Variants in ZFP1 observed in about 807,000 individuals in gnomAD.
The protein encoded by ZFP1 is ZFP1 zinc finger protein, also known as zinc finger protein 1 homolog.
Under a neutral mutation model 38.5 loss-of-function variants are expected in ZFP1, and 32 were observed. The ratio of observed to expected loss-of-function variants is 0.83; its 90% confidence interval spans 0.63 to 1.12. The LOEUF (loss-of-function observed/expected upper bound fraction) is 1.12. Ranked by LOEUF, ZFP1 falls within the 50% of genes most tolerant of loss-of-function variation. The pLI, the probability that ZFP1 is intolerant of heterozygous loss-of-function variation, is 0.00. For synonymous variants in ZFP1, 245 were observed against 168.8 expected (o/e 1.45, Z -3.50); for missense variants, 616 against 480.8 (o/e 1.28, Z -2.63).
intron 2 of ZFP1, among the ~76,000 whole-genome samples, chr16:75,160,965 C>T (rs1219297081): frequency 1.3e-5 from 2 of 152,144 alleles, no homozygotes; most frequent in Admixed American, 6.5e-5. Flanking sequence ...GATTAAGTTT[C>T]AACATGAAAT....
chr16:75,159,441 G>C (rs1296686875), intron 2 of ZFP1, among the ~76,000 whole-genome samples: 1 of 120,892 alleles, frequency 8.3e-6, no homozygotes, highest in African/African-American at 3.1e-5. Flanking sequence ...CAGAGTCTTG[G>C]TTACCCCCAG....
the ZFP1 span, among the ~76,000 whole-genome samples, chr16:75,140,193 G>C: frequency 1.3e-5 from 2 of 151,952 alleles, no homozygotes; most frequent in Admixed American, 6.6e-5. Context: ...TCTTGAACCT[G>C]AGAGGTAGAC....
chr16:75,170,093 A>G lies in ZFP1; in HGVS notation c.983A>G (p.Glu328Gly), dbSNP rs2038342435. ...GGGGAGAAACGCTATGAGTGCAGTG[A>G]ATGTGGAAAATCCTTTATCCAGAAC... Reference protein sequence around the residue: ...HTGEKRYECSECGKSFIQNSQ... With the variant: ...HTGEKRYECSGCGKSFIQNSQ... Residue 328 changes from glutamate (E) to glycine (G), a missense_variant, in exon 4 of 4, where the codon GAA becomes GGA. Transcript: ENST00000570010. 1 of 1,614,120 alleles carries G rather than the reference A, an allele frequency of 6.2e-7. No individual in the cohort carries two copies. Among genetic ancestry groups the G allele is most frequent in the African/African-American group, 1.3e-5 (1 of 75,058 alleles).
At chr16:75,158,153 G>C (rs1073429) in intron 2 of ZFP1, among the ~76,000 whole-genome samples, 8,587 of 151,596 alleles carry the variant, frequency 0.057, 444 homozygotes, top group African/African-American at 0.13. Context: ...ACCTATTTAT[G>C]TTCATATGTT....
At chr16:75,131,337 G>C in the ZFP1 span, among the ~76,000 whole-genome samples, 2 of 152,250 alleles carry the variant, frequency 1.3e-5, no homozygotes, top group Admixed American at 1.3e-4. Context: ...TTTCCAGGTA[G>C]GTGAAAGAAA....
At position 75,170,485 on chromosome 16, in the gene ZFP1, C is replaced by A; in HGVS notation, c.*151C>A. 1 of 1,169,808 alleles carries A rather than the reference C, an allele frequency of 8.5e-7. No individual in the cohort carries two copies. Among genetic ancestry groups the A allele is most frequent in the Non-Finnish European group, 1.1e-6 (1 of 885,552 alleles). The allele number at this position is 1,169,808 out of a possible 1,614,324, so 72.5% of individuals were successfully genotyped here. On this transcript the variant is annotated 3_prime_UTR_variant, in exon 4 of 4. Transcript: ENST00000570010. ...TATTAAAAATAGGATCCCATGAGAA[C>A]ATTATACTGGAAGTTACATGTGATA...
At chr16:75,142,644 A>T in the ZFP1 span, among the ~76,000 whole-genome samples, 1 of 152,178 alleles carries the variant, frequency 6.6e-6, no homozygotes, top group African/African-American at 2.4e-5. Flanking sequence ...AAGACTACCC[A>T]GTCTATGTGG....
intron 2 of ZFP1, among the ~76,000 whole-genome samples, chr16:75,153,771 A>G (rs1183667905): frequency 2.6e-5 from 4 of 152,332 alleles, no homozygotes; most frequent in South Asian, 2.1e-4. Flanking sequence ...CCAATATATA[A>G]TGACATGTAT....
chr16:75,143,933 C>T (rs953469500), upstream of ZFP1, among the ~76,000 whole-genome samples: 1 of 152,124 alleles, frequency 6.6e-6, no homozygotes, highest in East Asian at 1.9e-4. Flanking sequence ...GGATTACAGG[C>T]ATGAGCCACT....
chr16:75,163,882 T>G (rs1447675986), intron 2 of ZFP1, among the ~76,000 whole-genome samples: 1 of 152,160 alleles, frequency 6.6e-6, no homozygotes, highest in African/African-American at 2.4e-5. Flanking sequence ...AATGCTGGGA[T>G]TACACACATG....
intron 2 of ZFP1, among the ~76,000 whole-genome samples, chr16:75,159,909 G>T (rs968108411): frequency 4.6e-5 from 7 of 152,182 alleles, no homozygotes; most frequent in African/African-American, 1.7e-4. Flanking sequence ...CCTAGGGTGT[G>T]CTCCATCCTT....
At chr16:75,132,652 C>CATTTCTT in the ZFP1 span, 2 of 104,294 alleles carry the variant, frequency 1.9e-5, no homozygotes, top group Non-Finnish European at 3.6e-5. Context: ...CATTTCATTT[C>CATTTCTT]TTTTTTTTTT....
At chr16:75,148,431 C>T (rs927223963), upstream of ZFP1, 1 of 152,270 alleles carries the variant, frequency 6.6e-6, no homozygotes, top group Non-Finnish European at 1.5e-5. Context: ...AAATGTAGTC[C>T]CGAACGTGGA....
chr16:75,167,891 C>G (rs1206381233), intron 3 of ZFP1, among the ~76,000 whole-genome samples: 2 of 152,098 alleles, frequency 1.3e-5, no homozygotes, highest in East Asian at 1.9e-4. Flanking sequence ...GAGGTCAGTT[C>G]AATACCAGCA....
At chr16:75,155,298 A>AT (rs2037416012) in intron 2 of ZFP1, among the ~76,000 whole-genome samples, 1 of 151,886 alleles carries the variant, frequency 6.6e-6, no homozygotes. Flanking sequence ...TGCTTACCTA[A>AT]TTTTTTGTAT....
rs548638414 is a variant in ZFP1, at chr16:75,153,076, C to G, written c.15+110C>G. 1.1e-4 allele frequency: 148 copies of G among 1,404,802 alleles called. 2 individuals carry two copies. In the South Asian group the frequency reaches 1.9e-3, roughly 18 times the overall value. 87.0% of individuals were successfully genotyped at this position (1,404,802 alleles called of 1,614,324 possible). A position where few individuals can be genotyped will look rare whatever the true frequency, so the allele number is the denominator to read the frequency against. ...TGAATAAGACACAAAGGAAACATAG[C>G]AAGAATAACTAATCAATACCAGCAG... is the stretch of plus-strand genomic sequence containing the variant. On this transcript the variant is annotated intron_variant, in intron 2 of 3. Transcript: ENST00000570010.
chr16:75,139,730 C>T, the ZFP1 span, among the ~76,000 whole-genome samples: 5 of 151,956 alleles, frequency 3.3e-5, no homozygotes, highest in Admixed American at 1.3e-4. Context: ...GTGGTTTATA[C>T]TTAGAGTCAT....
In ZFP1 at chr16:75,170,948, A is replaced by G. The variant is rs547182619; in HGVS notation, c.*614A>G. The G allele has an allele frequency of 4.9e-4, 11 of 22,524 alleles. No individual in the cohort carries two copies. Among genetic ancestry groups the G allele is most frequent in the African/African-American group, 9.2e-4 (11 of 11,940 alleles). The allele number at this position is 22,524 out of a possible 1,614,324, so 1.4% of individuals were successfully genotyped here. On this transcript the variant is annotated 3_prime_UTR_variant, in exon 4 of 4. Transcript: ENST00000570010. ...GTTCTTGAGCTGCCTCTTAGGAAAC[A>G]GAAGACAGTGTTGAAGTTTTCCCTG...
chr16:75,166,593 GAATA>G, intron 2 of ZFP1, 173 bp from the exon 3 acceptor site: 1 of 985,142 alleles, frequency 1.0e-6, no homozygotes, highest in South Asian at 4.7e-5. Flanking sequence ...AGGGGAATCT[GAATA>G]AATCTCAACT....
Sources: gnomAD v4.1 joint callset for allele counts (sites outside exome capture counted in the v4.1 genomes callset) on GRCh38, gnomAD v4.1.1 for gene constraint, MANE v1.5 for transcripts, NCBI Gene and HGNC (gene_info 2026-07-23, HGNC 2026-07-21) for gene names.